Variants in TM9SF4 observed in about 807,000 individuals in gnomAD.
TM9SF4 encodes dinucleotide oxidase disulfide thiol exchanger 3 superfamily member 4.
Under a neutral mutation model 90.4 loss-of-function variants are expected in TM9SF4, and 26 were observed. The observed-to-expected ratio is 0.29, with a 90% CI of 0.21 to 0.40. The LOEUF (loss-of-function observed/expected upper bound fraction) is 0.40, where lower values mean the gene tolerates loss of function less well. Among genes scored for constraint, TM9SF4 ranks in the 10% least tolerant of loss-of-function variants. TM9SF4 has a pLI of 1.00. For missense variants in TM9SF4, 549 were observed against 834.8 expected (o/e 0.66, Z 4.22); for synonymous variants, 293 against 315.4 (o/e 0.93, Z 0.75).
Position 32,133,114 on chromosome 20 carries a change from C to T in TM9SF4, c.117C>T (p.Pro39=), listed in dbSNP as rs150664791. 1.4e-4 allele frequency: 221 copies of T among 1,613,920 alleles called. No homozygotes were observed. The highest frequency in any genetic ancestry group is 1.8e-4 in the Non-Finnish European group (209 of 1,180,002). ...CTATCAACTTCCACCAGAACGATCC[C>T]GTAGAAATCAAGGTAAGTGTGTTCC... ...VAPINFHQND[P]VEIKAVKLTS... Residue 39 remains proline (P), a synonymous_variant, in exon 2 of 18, where the codon CCC becomes CCT. Coordinates refer to ENST00000398022, the MANE Select transcript of TM9SF4 (RefSeq NM_014742.4).
intron 17 of TM9SF4, among the ~76,000 whole-genome samples, chr20:32,164,728 G>A (rs1357265966): frequency 1.3e-5 from 2 of 152,172 alleles, no homozygotes; most frequent in Non-Finnish European, 2.9e-5. Flanking sequence ...TGATACCAAG[G>A]TTCCACATTA....
At chr20:32,140,056 G>C (rs1402545124) in intron 3 of TM9SF4, among the ~76,000 whole-genome samples, 1 of 152,172 alleles carries the variant, frequency 6.6e-6, no homozygotes, top group Non-Finnish European at 1.5e-5. Context: ...CATCTTTAGG[G>C]CTTGGCATGT....
In TM9SF4 at chr20:32,149,929, A is replaced by ACAGCCC. The variant is rs1218874971; in HGVS notation, c.1087+176_1087+181dup. On this transcript the variant is annotated intron_variant, in intron 10 of 17. Transcript: ENST00000398022. ...GCCAGACAGGCCGTCTATCTCAGCA[A>ACAGCCC]CAGCCCCAGCCCCAGCCCAGGACTG... is the stretch of plus-strand genomic sequence containing the variant. Among the ~76,000 whole-genome samples the ACAGCCC allele has an allele frequency of 3.9e-5, 6 of 152,148 alleles. 1 individual carries two copies. The highest frequency in any genetic ancestry group is 7.3e-5 in the Non-Finnish European group (5 of 68,030).
At chr20:32,145,026 T>C (rs1600822413) in intron 6 of TM9SF4, 65 bp from the exon 7 acceptor site, 1 of 1,522,162 alleles carries the variant, frequency 6.6e-7, no homozygotes, top group South Asian at 1.1e-5. Context: ...GGGCAGCCCC[T>C]GGAATAGCCC....
At chr20:32,134,994 A>T (rs768973517) in intron 2 of TM9SF4, among the ~76,000 whole-genome samples, 3 of 152,212 alleles carry the variant, frequency 2.0e-5, no homozygotes, top group Non-Finnish European at 4.4e-5. Flanking sequence ...TTGAAAAAAG[A>T]TTGTAGACCT....
chr20:32,127,074 G>A (rs2046433987), intron 1 of TM9SF4, among the ~76,000 whole-genome samples: 1 of 152,048 alleles, frequency 6.6e-6, no homozygotes, highest in African/African-American at 2.4e-5. Context: ...ATGGGCTTTG[G>A]GCTCAACCAG....
intron 3 of TM9SF4, among the ~76,000 whole-genome samples, chr20:32,140,309 T>C (rs1331276149): frequency 1.3e-5 from 2 of 152,064 alleles, no homozygotes; most frequent in Admixed American, 1.3e-4. Flanking sequence ...GCAGTTACTC[T>C]GAGGCAAAAG....
intron 1 of TM9SF4, among the ~76,000 whole-genome samples, chr20:32,111,164 T>C (rs919184687): frequency 6.6e-6 from 1 of 152,206 alleles, no homozygotes; most frequent in Non-Finnish European, 1.5e-5. Flanking sequence ...TAAAAAGATT[T>C]CATGGCCTTA....
chr20:32,123,866 A>ATATATATATATATATATATATATTTT, intron 1 of TM9SF4, among the ~76,000 whole-genome samples: 5 of 93,954 alleles, frequency 5.3e-5, no homozygotes, highest in African/African-American at 2.3e-4. Flanking sequence ...ATATATATAT[A>ATATATATATATATATATATATATTTT]TTTTTTTTTT....
chr20:32,133,669 C>T (rs1426401070), intron 2 of TM9SF4, among the ~76,000 whole-genome samples: 2 of 152,174 alleles, frequency 1.3e-5, no homozygotes, highest in East Asian at 3.8e-4. Context: ...TCAGGTTGCC[C>T]CCCAAGAACC....
At chr20:32,123,464 G>A (rs2046365747) in intron 1 of TM9SF4, among the ~76,000 whole-genome samples, 2 of 140,558 alleles carry the variant, frequency 1.4e-5, no homozygotes, top group South Asian at 4.7e-4. Context: ...GCATCTTTTT[G>A]TGTTTGGCCA....
intron 1 of TM9SF4, among the ~76,000 whole-genome samples, chr20:32,112,708 A>AC (rs1218054993): frequency 2.0e-5 from 3 of 151,278 alleles, no homozygotes; most frequent in African/African-American, 7.3e-5. Context: ...AAAAAAAAAA[A>AC]ACAAAAAACA....
In TM9SF4 at chr20:32,166,388, G is replaced by A. The variant is rs969438574; in HGVS notation, c.*944G>A. On this transcript the variant is annotated 3_prime_UTR_variant, in exon 18 of 18. Coordinates refer to ENST00000398022, the MANE Select transcript of TM9SF4 (RefSeq NM_014742.4). ...CTCAGGAGGTACCGCTCTCCAAGGT[G>A]TGCTAGCAGTGGGCCCTGCCCAACT... 6.5e-6 allele frequency: 1 copy of A among 152,802 alleles called. No individual in the cohort carries two copies. Among genetic ancestry groups the A allele is most frequent in the African/African-American group, 2.4e-5 (1 of 41,476 alleles). The allele number at this position is 152,802 out of a possible 1,614,324, so 9.5% of individuals were successfully genotyped here.
In TM9SF4 at chr20:32,142,854, G is replaced by T. The variant is rs2046700517; in HGVS notation, c.529-128G>T. The T allele has an allele frequency of 4.0e-6, 5 of 1,245,210 alleles. No individual in the cohort carries two copies. The East Asian group carries it at 1.3e-4, about 32-fold the overall frequency. 77.1% of individuals were successfully genotyped at this position (1,245,210 alleles called of 1,614,324 possible). A position where few individuals can be genotyped will look rare whatever the true frequency, so the allele number is the denominator to read the frequency against. ...AGCCCTTGAAGAGCTTCTGAGTAGG[G>T]GAGTGATGAGAACAGTGTTTTAGGA... On this transcript the variant is annotated intron_variant, in intron 5 of 17. Transcript: ENST00000398022.
chr20:32,123,345 A>G (rs1340909493), intron 1 of TM9SF4, among the ~76,000 whole-genome samples: 1 of 151,638 alleles, frequency 6.6e-6, no homozygotes, highest in Non-Finnish European at 1.5e-5. Flanking sequence ...AGACTGTACC[A>G]GTTTACCTAC....
chr20:32,158,076 C>CT, intron 14 of TM9SF4, 107 bp downstream of exon 14: 1 of 1,436,212 alleles, frequency 7.0e-7, no homozygotes, highest in Non-Finnish European at 9.4e-7. Context: ...TCAGCCGGCT[C>CT]TAATAGAGTT....
chr20:32,113,288 C>T (rs1036817522), intron 1 of TM9SF4, among the ~76,000 whole-genome samples: 7 of 152,156 alleles, frequency 4.6e-5, no homozygotes, highest in African/African-American at 1.7e-4. Flanking sequence ...GCCGCCAGCT[C>T]CCAGAACAAT....
intron 1 of TM9SF4, among the ~76,000 whole-genome samples, chr20:32,120,063 T>C (rs1379545804): frequency 6.6e-6 from 1 of 152,220 alleles, no homozygotes; most frequent in Non-Finnish European, 1.5e-5. Context: ...TTATAATATG[T>C]TTAGAAATTA....
intron 8 of TM9SF4, 100 bp downstream of exon 8, chr20:32,145,523 C>A: frequency 9.7e-7 from 1 of 1,030,360 alleles, no homozygotes; most frequent in Non-Finnish European, 1.5e-6. Flanking sequence ...TTCTGAGGGT[C>A]AGGCGTAGGT....
Sources: gnomAD v4.1 joint callset for allele counts (sites outside exome capture counted in the v4.1 genomes callset) on GRCh38, gnomAD v4.1.1 for gene constraint, MANE v1.5 for transcripts, NCBI Gene and HGNC (gene_info 2026-07-23, HGNC 2026-07-21) for gene names.